The following TYW1B variants were observed in gnomAD, a reference collection of about 807,000 sequenced individuals.
The protein encoded by TYW1B is tRNA-yW synthesizing protein 1 homolog B, also known as S-adenosyl-L-methionine-dependent tRNA 4-demethylwyosine synthase TYW1B.
TYW1B carries 73 observed loss-of-function variants against 86.9 expected under a neutral mutation model. The ratio of observed to expected loss-of-function variants is 0.84; its 90% confidence interval spans 0.70 to 1.02. TYW1B has a LOEUF of 1.02. Ranked by LOEUF, TYW1B falls within the 50% of genes least tolerant of loss-of-function variation. TYW1B has a pLI of 0.00. For missense variants in TYW1B, 637 were observed against 827.4 expected (o/e 0.77, Z 2.82); for synonymous variants, 248 against 292.8 (o/e 0.85, Z 1.56).
intron 5 of TYW1B, among the ~76,000 whole-genome samples, chr7:72,804,732 C>T (rs1585996717): frequency 6.6e-6 from 1 of 152,034 alleles, no homozygotes; most frequent in East Asian, 1.9e-4. Flanking sequence ...CCCAGCTACT[C>T]AGGAGGCTGA....
At chr7:72,730,275 T>C (rs1269636560) in intron 8 of TYW1B, among the ~76,000 whole-genome samples, 1 of 151,548 alleles carries the variant, frequency 6.6e-6, no homozygotes, top group Non-Finnish European at 1.5e-5. Context: ...TTTAAAATAA[T>C]GATCTTAAGG....
At chr7:72,625,898 G>C (rs1463785283) in intron 12 of TYW1B, among the ~76,000 whole-genome samples, 2 of 52,230 alleles carry the variant, frequency 3.8e-5, no homozygotes, top group African/African-American at 1.3e-4. Flanking sequence ...AGGTGGGGCG[G>C]GGGGGGGGGA....
Position 72,628,909 on chromosome 7 carries a change from T to C in TYW1B, c.1595A>G (p.Asn532Ser), listed in dbSNP as rs1554439342. The change falls in exon 12 of 14, where the codon AAT (asparagine) becomes AGT (serine). Residue 532 changes from asparagine (N) to serine (S), a missense_variant. Physicochemically the swap from Asn to Ser is conservative, Grantham distance 46. Transcript: ENST00000620995. ...TACCTTCACTTCGATGAAGTCAGGA[T>C]TCCCCAGGGACACGAGCTGCGCGTA... Reference protein sequence around the residue: ...QAYAQLVSLGNPDFIEVKGVT... With the variant: ...QAYAQLVSLGSPDFIEVKGVT... The C allele has an allele frequency of 4.4e-6, 7 of 1,591,260 alleles. No individual in the cohort carries two copies. The highest frequency in any genetic ancestry group is 6.0e-6 in the Non-Finnish European group (7 of 1,169,930).
intron 11 of TYW1B, among the ~76,000 whole-genome samples, chr7:72,643,789 A>G (rs1170954849): frequency 2.0e-5 from 3 of 152,292 alleles, no homozygotes; most frequent in African/African-American, 7.2e-5. Context: ...AATAAAATTG[A>G]TAAACAGAAA....
intron 13 of TYW1B, among the ~76,000 whole-genome samples, chr7:72,598,507 T>C: frequency 6.6e-6 from 1 of 150,916 alleles, no homozygotes; most frequent in Non-Finnish European, 1.5e-5. Flanking sequence ...ACAGGAAGAG[T>C]GGAGGTGTCT....
rs11764170 is a variant in TYW1B, at chr7:72,823,805, A to G, written c.135+3050T>C. Among the ~76,000 whole-genome samples the G allele has an allele frequency of 6.6e-3, 1,008 of 152,250 alleles. 14 individuals carry two copies. The highest frequency in any genetic ancestry group is 0.021 in the African/African-American group (870 of 41,552). ...CTAATTAATATAGTCAATAACTTTTATGTAATGTTGATAAATCTAGAAACA... is the reference window on the plus strand; with the variant it reads ...CTAATTAATATAGTCAATAACTTTTGTGTAATGTTGATAAATCTAGAAACA... On this transcript the variant is annotated intron_variant, in intron 2 of 13. Transcript: ENST00000620995.
At chr7:72,665,212 C>A (rs1813432931) in intron 11 of TYW1B, among the ~76,000 whole-genome samples, 1 of 152,176 alleles carries the variant, frequency 6.6e-6, no homozygotes, top group South Asian at 2.1e-4. Context: ...AGAAGATGTG[C>A]CCTTCTTGTA....
intron 13 of TYW1B, among the ~76,000 whole-genome samples, chr7:72,592,654 C>T (rs1411764648): frequency 3.3e-5 from 5 of 152,284 alleles, no homozygotes; most frequent in East Asian, 3.9e-4. Flanking sequence ...ACAATAGATT[C>T]GCTTTGAACC....
intron 7 of TYW1B, among the ~76,000 whole-genome samples, chr7:72,765,929 A>G (rs1430468964): frequency 6.6e-6 from 1 of 152,238 alleles, no homozygotes; most frequent in Non-Finnish European, 1.5e-5. Context: ...AGAGGTTGGA[A>G]TAAGACTTCA....
intron 11 of TYW1B, among the ~76,000 whole-genome samples, chr7:72,656,806 A>G (rs1554443707): frequency 6.6e-6 from 1 of 152,102 alleles, no homozygotes. Context: ...AGTGGGAGCA[A>G]GAGCAAAGGA....
At chr7:72,618,439 A>G (rs1273392777) in intron 12 of TYW1B, among the ~76,000 whole-genome samples, 1 of 150,720 alleles carries the variant, frequency 6.6e-6, no homozygotes, top group African/African-American at 2.4e-5. Context: ...CTGGTCTTGA[A>G]CTCCTGACCT....
intron 11 of TYW1B, among the ~76,000 whole-genome samples, chr7:72,659,805 G>A (rs1332425256): frequency 6.6e-6 from 1 of 152,164 alleles, no homozygotes; most frequent in Admixed American, 6.5e-5. Flanking sequence ...AGAGTTTCAA[G>A]AGGCAACTGA....
intron 13 of TYW1B, among the ~76,000 whole-genome samples, chr7:72,605,574 G>C (rs1383607825): frequency 3.3e-5 from 5 of 152,022 alleles, no homozygotes; most frequent in Non-Finnish European, 7.4e-5. Flanking sequence ...GGCTGGTCTC[G>C]AACTTCTGAC....
intron 8 of TYW1B, among the ~76,000 whole-genome samples, chr7:72,731,698 CT>C (rs1410349924): frequency 5.3e-5 from 8 of 152,268 alleles, no homozygotes; most frequent in African/African-American, 1.4e-4. Context: ...AATCCCAGCA[CT>C]TTGGGAGGCT....
At position 72,595,024 on chromosome 7, in the gene TYW1B, G is replaced by A. The variant is rs371634311; in HGVS notation, c.1786-19305C>T. Among the ~76,000 whole-genome samples the A allele has an allele frequency of 5.9e-3, 903 of 152,124 alleles. 11 individuals carry two copies. Among genetic ancestry groups the A allele is most frequent in the African/African-American group, 0.02 (846 of 41,490 alleles). On this transcript the variant is annotated intron_variant, in intron 13 of 13. Transcript: ENST00000620995. ...AAAAGCCACATATGAAAAAACCTACGGTGAGTATCATACTCAATAGTAAAA... is the reference window on the plus strand; with the variant it reads ...AAAAGCCACATATGAAAAAACCTACAGTGAGTATCATACTCAATAGTAAAA...
intron 12 of TYW1B, among the ~76,000 whole-genome samples, chr7:72,627,234 G>C (rs1563036095): frequency 6.6e-6 from 1 of 152,028 alleles, no homozygotes; most frequent in Non-Finnish European, 1.5e-5. Flanking sequence ...GATCACTCAA[G>C]GTCAGGAGTT....
Position 72,612,243 on chromosome 7 carries a change from G to C in TYW1B, c.1785+4429C>G, listed in dbSNP as rs190642675. On this transcript the variant is annotated intron_variant, in intron 13 of 13. Coordinates refer to ENST00000620995, the MANE Select transcript of TYW1B (RefSeq NM_001145440.3). ...AGAGAGAGGAACAGGGAGTCTAGAA[G>C]AGTGGTTTAAAATCAGTACAGTAAT... is the stretch of plus-strand genomic sequence containing the variant. 2.0e-3 allele frequency among the ~76,000 whole-genome samples: 304 copies of C among 152,242 alleles called. 1 individual carries two copies. Among genetic ancestry groups the C allele is most frequent in the Non-Finnish European group, 3.5e-3 (239 of 68,038 alleles).
intron 4 of TYW1B, among the ~76,000 whole-genome samples, chr7:72,809,539 G>T (rs1344129901): frequency 6.6e-6 from 1 of 152,082 alleles, no homozygotes; most frequent in African/African-American, 2.4e-5. Flanking sequence ...TATAGTTCCA[G>T]CTACTAGGGA....
chr7:72,575,476 A>G lies in TYW1B; in HGVS notation c.*22T>C. On this transcript the variant is annotated 3_prime_UTR_variant, in exon 14 of 14. Coordinates refer to ENST00000620995, the MANE Select transcript of TYW1B (RefSeq NM_001145440.3). ...GAGGCCATCCAAGTTTTTGTCCTTCAGTACCTTGAAATCAGATAATCTCAA... is the reference window on the plus strand; with the variant it reads ...GAGGCCATCCAAGTTTTTGTCCTTCGGTACCTTGAAATCAGATAATCTCAA... 6.3e-7 allele frequency: 1 copy of G among 1,592,364 alleles called. No homozygotes were observed. The highest frequency in any genetic ancestry group is 1.7e-4 in the Middle Eastern group (1 of 5,922).
Sources: allele counts gnomAD v4.1 joint callset (sites outside exome capture counted in the v4.1 genomes callset), GRCh38; gene constraint gnomAD v4.1.1; transcripts MANE v1.5; gene names NCBI Gene and HGNC (gene_info 2026-07-23, HGNC 2026-07-21).